Variants in NKAIN2 observed in about 807,000 individuals in gnomAD.
The protein encoded by NKAIN2 is sodium/potassium transporting ATPase interacting 2.
In NKAIN2, 14 loss-of-function variants were observed where a neutral mutation model predicts 32.6. The observed-to-expected ratio is 0.43, with a 90% CI of 0.28 to 0.67. NKAIN2 has a LOEUF of 0.67. Ranked by LOEUF, NKAIN2 falls within the 30% of genes least tolerant of loss-of-function variation. The pLI is 0.17. For synonymous variants in NKAIN2, 80 were observed against 87.2 expected, an observed-to-expected ratio of 0.92 and a Z score of 0.46; for missense variants, 198 against 258.3, an observed-to-expected ratio of 0.77 and a Z score of 1.60.
intron 1 of NKAIN2, among the ~76,000 whole-genome samples, chr6:123,933,681 TC>T (rs1237451368): frequency 6.6e-6 from 1 of 152,212 alleles, no homozygotes; most frequent in Admixed American, 6.5e-5. Context: ...TTGCTTCCTT[TC>T]TACCCTCAAA....
intron 4 of NKAIN2, among the ~76,000 whole-genome samples, chr6:124,727,797 T>G (rs1225086604): frequency 2.7e-5 from 4 of 150,200 alleles, no homozygotes; most frequent in Non-Finnish European, 5.9e-5. Flanking sequence ...ATCAGTGTGC[T>G]GTATTCAGGA....
intron 3 of NKAIN2, among the ~76,000 whole-genome samples, chr6:124,555,179 T>C (rs1053075281): frequency 6.6e-6 from 1 of 152,210 alleles, no homozygotes; most frequent in Admixed American, 6.5e-5. Context: ...ACTTCCATGC[T>C]GGGCACAGTC....
intron 1 of NKAIN2, among the ~76,000 whole-genome samples, chr6:124,044,598 T>G: frequency 6.6e-6 from 1 of 152,086 alleles, no homozygotes. Context: ...CATAGACTGT[T>G]GTGATTCAAT....
chr6:124,517,196 A>G (rs911449100), intron 3 of NKAIN2, among the ~76,000 whole-genome samples: 7 of 152,212 alleles, frequency 4.6e-5, no homozygotes, highest in Non-Finnish European at 1.0e-4. Flanking sequence ...ATTATTGGTC[A>G]TGAGCGTATA....
intron 4 of NKAIN2, among the ~76,000 whole-genome samples, chr6:124,670,755 C>A (rs1773062091): frequency 6.6e-6 from 1 of 151,592 alleles, no homozygotes; most frequent in Non-Finnish European, 1.5e-5. Context: ...ATAATTCTCT[C>A]AAGAAAGGTG....
chr6:124,659,475 A>G (rs1449627012), intron 4 of NKAIN2, among the ~76,000 whole-genome samples: 1 of 148,374 alleles, frequency 6.7e-6, no homozygotes, highest in Non-Finnish European at 1.5e-5. Context: ...TATCCTTGTT[A>G]TATTTTTAAT....
rs908024051 is a variant in NKAIN2, at chr6:124,412,015, G to A, written c.273+56668G>A. Among the ~76,000 whole-genome samples the A allele has an allele frequency of 1.8e-4, 28 of 152,210 alleles. 1 individual carries two copies. The highest frequency in any genetic ancestry group is 8.5e-4 in the Admixed American group (13 of 15,294). On this transcript the variant is annotated intron_variant, in intron 3 of 6. Coordinates refer to ENST00000368417, the MANE Select transcript of NKAIN2 (RefSeq NM_001040214.3). ...GCATTCATCACGTGGTTCTCGTGCCGTGGTTTTCAGCTCCATCAGGTCCTT... is the reference window on the plus strand; with the variant it reads ...GCATTCATCACGTGGTTCTCGTGCCATGGTTTTCAGCTCCATCAGGTCCTT...
chr6:124,799,480 CAT>C (rs1455727631), intron 5 of NKAIN2, among the ~76,000 whole-genome samples: 3 of 152,150 alleles, frequency 2.0e-5, no homozygotes, highest in East Asian at 1.9e-4. Context: ...CACACACACA[CAT>C]ACTATGTTCA....
intron 1 of NKAIN2, among the ~76,000 whole-genome samples, chr6:124,255,745 C>T (rs2114823623): frequency 6.6e-6 from 1 of 152,302 alleles, no homozygotes; most frequent in South Asian, 2.1e-4. Context: ...TCTCTATTTG[C>T]TCAAACCATA....
chr6:123,870,162 T>C (rs1050034428), intron 1 of NKAIN2, among the ~76,000 whole-genome samples: 1 of 152,202 alleles, frequency 6.6e-6, no homozygotes, highest in East Asian at 1.9e-4. Flanking sequence ...TTCTTGCTCT[T>C]ATTGAGTTTA....
intron 2 of NKAIN2, among the ~76,000 whole-genome samples, chr6:124,290,122 A>T (rs934870728): frequency 1.1e-4 from 16 of 152,176 alleles, no homozygotes; most frequent in Admixed American, 3.3e-4. Flanking sequence ...TAATAATGCA[A>T]CATTGCAAAT....
chr6:124,612,480 C>T (rs1248460873), intron 3 of NKAIN2, among the ~76,000 whole-genome samples: 1 of 152,026 alleles, frequency 6.6e-6, no homozygotes, highest in African/African-American at 2.4e-5. Context: ...AGTTACTAGC[C>T]TGAAGAATAC....
intron 1 of NKAIN2, among the ~76,000 whole-genome samples, chr6:124,002,271 G>T (rs531603533): frequency 6.6e-6 from 1 of 152,048 alleles, no homozygotes; most frequent in Non-Finnish European, 1.5e-5. Flanking sequence ...ACGTGGTTGG[G>T]GATAGAGGGA....
intron 3 of NKAIN2, among the ~76,000 whole-genome samples, chr6:124,506,885 T>C (rs1778507362): frequency 6.6e-6 from 1 of 152,162 alleles, no homozygotes; most frequent in African/African-American, 2.4e-5. Context: ...GCTTAGGCAT[T>C]GTCTGTGTAG....
intron 1 of NKAIN2, among the ~76,000 whole-genome samples, chr6:123,960,091 T>C (rs868218918): frequency 1.3e-5 from 2 of 152,090 alleles, no homozygotes; most frequent in South Asian, 2.1e-4. Flanking sequence ...TGATGCAAGT[T>C]TGTATAATTG....
intron 2 of NKAIN2, among the ~76,000 whole-genome samples, chr6:124,354,322 C>T (rs1798869672): frequency 6.6e-6 from 1 of 152,150 alleles, no homozygotes; most frequent in African/African-American, 2.4e-5. Context: ...TCTTTGCATT[C>T]TCAGTGTCTT....
intron 1 of NKAIN2, among the ~76,000 whole-genome samples, chr6:124,024,998 G>C (rs565550989): frequency 6.7e-6 from 1 of 149,298 alleles, no homozygotes; most frequent in African/African-American, 2.6e-5. Context: ...AAAAAAAAGT[G>C]CTTTTCCTAC....
intron 3 of NKAIN2, among the ~76,000 whole-genome samples, chr6:124,608,391 T>C (rs1782573145): frequency 6.6e-6 from 1 of 152,200 alleles, no homozygotes; most frequent in African/African-American, 2.4e-5. Flanking sequence ...TTCAACAAGA[T>C]AGAGGTAGTA....
intron 4 of NKAIN2, among the ~76,000 whole-genome samples, chr6:124,667,113 C>G (rs1283322259): frequency 6.6e-6 from 1 of 152,046 alleles, no homozygotes; most frequent in African/African-American, 2.4e-5. Flanking sequence ...CACCACTATC[C>G]TACACAGCAG....
Sources: gnomAD v4.1 joint callset for allele counts (sites outside exome capture counted in the v4.1 genomes callset) on GRCh38, gnomAD v4.1.1 for gene constraint, MANE v1.5 for transcripts, NCBI Gene and HGNC (gene_info 2026-07-23, HGNC 2026-07-21) for gene names.